MRPL48: variants seen among roughly 807,000 people sequenced by gnomAD.
MRPL48 encodes the protein large ribosomal subunit protein mL48.
MRPL48 carries 16 observed loss-of-function variants against 32.9 expected under a neutral mutation model. That is an observed-to-expected ratio of 0.49 (90% CI 0.33 to 0.74). The LOEUF is 0.74. Ranked by LOEUF, MRPL48 falls within the 30% of genes least tolerant of loss-of-function variation. The pLI is 0.02. For synonymous variants in MRPL48, 94 were observed against 89.2 expected (o/e 1.05, Z -0.31); for missense variants, 206 against 245.3 (o/e 0.84, Z 1.07).
At chr11:73,806,628 C>T (rs1359375385) in intron 2 of MRPL48, among the ~76,000 whole-genome samples, 3 of 152,052 alleles carry the variant, frequency 2.0e-5, no homozygotes, top group Non-Finnish European at 2.9e-5. Context: ...ATTCCTAGGC[C>T]TACGATGGTA....
At chr11:73,863,291 C>T (rs1241467909) in intron 7 of MRPL48, 30 bp downstream of exon 7, 37 of 1,518,042 alleles carry the variant, frequency 2.4e-5, no homozygotes, top group Non-Finnish European at 3.2e-5. Flanking sequence ...GAGGCCCCTG[C>T]TGGCCTGCAT....
At chr11:73,825,878 A>G in intron 4 of MRPL48, 82 bp downstream of exon 4, 1 of 1,180,880 alleles carries the variant, frequency 8.5e-7, no homozygotes, top group Non-Finnish European at 1.2e-6. Flanking sequence ...TATAGTTTTG[A>G]TAATATTGGA....
intron 5 of MRPL48, among the ~76,000 whole-genome samples, chr11:73,848,943 C>T (rs1948343100): frequency 6.6e-6 from 1 of 151,826 alleles, no homozygotes; most frequent in South Asian, 2.1e-4. Flanking sequence ...CCTCAGCTTC[C>T]CTGGAATAGC....
intron 5 of MRPL48, among the ~76,000 whole-genome samples, chr11:73,846,765 C>T (rs1382553384): frequency 6.6e-6 from 1 of 151,612 alleles, no homozygotes; most frequent in African/African-American, 2.4e-5. Context: ...TGCAGTGGTG[C>T]GATCATTGCT....
At chr11:73,834,809 A>C (rs1161949520) in intron 4 of MRPL48, among the ~76,000 whole-genome samples, 3 of 149,954 alleles carry the variant, frequency 2.0e-5, no homozygotes, top group African/African-American at 7.4e-5. Context: ...TGCTGGGATT[A>C]CAGGTGTGAG....
intron 6 of MRPL48, among the ~76,000 whole-genome samples, chr11:73,861,433 G>A (rs188726542): frequency 7.2e-5 from 11 of 152,204 alleles, no homozygotes; most frequent in Admixed American, 1.3e-4. Context: ...GCAATGGTGC[G>A]ATCTCGGCTC....
intron 1 of MRPL48, among the ~76,000 whole-genome samples, chr11:73,789,759 C>T (rs978313127): frequency 4.6e-5 from 7 of 152,170 alleles, no homozygotes; most frequent in Non-Finnish European, 8.8e-5. Flanking sequence ...TTTTCATTTA[C>T]ACAATTTCAT....
intron 5 of MRPL48, among the ~76,000 whole-genome samples, chr11:73,846,053 G>A (rs1482017935): frequency 1.8e-4 from 20 of 111,940 alleles, no homozygotes; most frequent in Non-Finnish European, 8.4e-5. Flanking sequence ...GGGCAACAGA[G>A]CAAGACCCTG....
intron 6 of MRPL48, among the ~76,000 whole-genome samples, chr11:73,862,691 G>A (rs1395921190): frequency 5.9e-5 from 9 of 152,116 alleles, no homozygotes; most frequent in Admixed American, 5.9e-4. Flanking sequence ...CAAAGTGGAA[G>A]GATTCCTTGA....
At chr11:73,845,773 A>G (rs768047990) in intron 5 of MRPL48, among the ~76,000 whole-genome samples, 1 of 151,882 alleles carries the variant, frequency 6.6e-6, no homozygotes, top group Non-Finnish European at 1.5e-5. Flanking sequence ...CTGTCTCAAA[A>G]TTTAAAAAAA....
At chr11:73,813,062 TA>T (rs1415508721) in intron 3 of MRPL48, among the ~76,000 whole-genome samples, 3 of 151,684 alleles carry the variant, frequency 2.0e-5, no homozygotes, top group Admixed American at 6.6e-5. Flanking sequence ...AAAAAAATAA[TA>T]TTTTTTTTGT....
chr11:73,802,488 C>G (rs554816863), intron 1 of MRPL48, among the ~76,000 whole-genome samples: 2 of 152,306 alleles, frequency 1.3e-5, no homozygotes, highest in East Asian at 3.9e-4. Flanking sequence ...CCCAGCCCTT[C>G]CAGCCCCAGG....
intron 1 of MRPL48, among the ~76,000 whole-genome samples, chr11:73,802,439 A>G (rs182716605): frequency 8.5e-5 from 13 of 152,136 alleles, no homozygotes; most frequent in Admixed American, 3.9e-4. Flanking sequence ...CATCATCCCA[A>G]AAAAAAACTC....
At chr11:73,859,882 T>C (rs1948553135) in intron 5 of MRPL48, 25 bp from the exon 6 acceptor site, 2 of 1,603,468 alleles carry the variant, frequency 1.2e-6, no homozygotes, top group Non-Finnish European at 1.7e-6. Context: ...GAACACTCAC[T>C]ATAGCTGACT....
At chr11:73,790,747 G>T (rs574364735) in intron 1 of MRPL48, among the ~76,000 whole-genome samples, 2 of 151,396 alleles carry the variant, frequency 1.3e-5, no homozygotes, top group African/African-American at 4.9e-5. Context: ...GGCTAGTCTC[G>T]AACTCCTGGC....
intron 1 of MRPL48, 81 bp from the exon 2 acceptor site, chr11:73,804,946 G>C: frequency 7.5e-7 from 1 of 1,327,940 alleles, no homozygotes; most frequent in African/African-American, 1.5e-5. Flanking sequence ...TGTGTACTGT[G>C]GGTTTCTTGC....
At chr11:73,796,505 G>A (rs1444258783) in intron 1 of MRPL48, among the ~76,000 whole-genome samples, 1 of 152,248 alleles carries the variant, frequency 6.6e-6, no homozygotes, top group African/African-American at 2.4e-5. Flanking sequence ...AAGCCAAAGC[G>A]GGGCTGAAGG....
chr11:73,840,595 G>C (rs552195952), intron 4 of MRPL48, among the ~76,000 whole-genome samples: 1 of 152,244 alleles, frequency 6.6e-6, no homozygotes, highest in South Asian at 2.1e-4. Flanking sequence ...TGCCTCCCAG[G>C]TTGAAGCGAT....
intron 4 of MRPL48, chr11:73,843,319 G>A (rs1948226998): frequency 6.6e-6 from 1 of 150,568 alleles, no homozygotes; most frequent in South Asian, 2.1e-4. Context: ...TCGCCTCCCA[G>A]GTTCAAGTGA....
Sources: allele counts gnomAD v4.1 joint callset (sites outside exome capture counted in the v4.1 genomes callset), GRCh38; gene constraint gnomAD v4.1.1; transcripts MANE v1.5; gene names NCBI Gene and HGNC (gene_info 2026-07-23, HGNC 2026-07-21).